The following LRRC39 variants were observed in gnomAD, a reference collection of about 807,000 sequenced individuals.
LRRC39 encodes the protein leucine rich repeat containing 39.
LRRC39 carries 35 observed loss-of-function variants against 39.7 expected under a neutral mutation model. That is an observed-to-expected ratio of 0.88 (90% CI 0.67 to 1.17). The LOEUF is 1.17. Among genes scored for constraint, LRRC39 ranks in the 50% most tolerant of loss-of-function variants. LRRC39 has a pLI of 0.00. For missense variants in LRRC39, 357 were observed against 385.8 expected (o/e 0.93, Z 0.62); for synonymous variants, 113 against 134.1 (o/e 0.84, Z 1.09).
At chr1:100,160,373 A>G in intron 4 of LRRC39, 93 bp downstream of exon 4, 2 of 827,570 alleles carry the variant, frequency 2.4e-6, no homozygotes, top group Middle Eastern at 2.5e-4. Context: ...GTTTCTAACT[A>G]TTCTAGTCTT....
chr1:100,152,657 G>T, intron 8 of LRRC39, 133 bp from the exon 9 acceptor site: 1 of 868,068 alleles, frequency 1.2e-6, no homozygotes, highest in Non-Finnish European at 1.7e-6. Context: ...ACGACTTGGT[G>T]AGATGTGATA....
At chr1:100,168,335 T>A in intron 3 of LRRC39, 69 bp downstream of exon 3, 1 of 1,120,384 alleles carries the variant, frequency 8.9e-7, no homozygotes, top group South Asian at 1.6e-5. Context: ...GCATTTAGAA[T>A]GCTCTTTTTT....
At chr1:100,156,086 C>T (rs1262283359) in intron 7 of LRRC39, 86 bp downstream of exon 7, 1 of 1,296,850 alleles carries the variant, frequency 7.7e-7, no homozygotes, top group Non-Finnish European at 1.1e-6. Context: ...ATTGATTATG[C>T]TTGAGATCCC....
chr1:100,158,693 C>T (rs544174252), intron 5 of LRRC39, among the ~76,000 whole-genome samples: 9 of 151,966 alleles, frequency 5.9e-5, no homozygotes, highest in African/African-American at 1.9e-4. Flanking sequence ...GCCTCGGCCT[C>T]CTAAAGTGCT....
At chr1:100,152,194 A>G (rs964553712) in intron 9 of LRRC39, among the ~76,000 whole-genome samples, 191 bp downstream of exon 9, 1 of 152,216 alleles carries the variant, frequency 6.6e-6, no homozygotes, top group Non-Finnish European at 1.5e-5. Flanking sequence ...AAGACTTTGA[A>G]TATCTTTAAA....
At chr1:100,152,563 A>C (rs765461791) in intron 8 of LRRC39, 39 bp from the exon 9 acceptor site, 1 of 1,597,924 alleles carries the variant, frequency 6.3e-7, no homozygotes, top group East Asian at 2.2e-5. Context: ...TATAGGTGTC[A>C]TGGAAGTGTA....
intron 1 of LRRC39, among the ~76,000 whole-genome samples, chr1:100,175,190 TTTTG>T (rs966055729): frequency 2.6e-5 from 4 of 151,986 alleles, no homozygotes; most frequent in Non-Finnish European, 4.4e-5. Flanking sequence ...TTTTGTGGTT[TTTTG>T]TTTGTTTGTT....
rs182223420 is a variant in LRRC39, at chr1:100,152,622, G to A, written c.813-98C>T. On this transcript the variant is annotated intron_variant, in intron 8 of 9. Coordinates refer to ENST00000370137, the MANE Select transcript of LRRC39 (RefSeq NM_144620.4). ...CAAATGATAATATACTAAATTACTC[G>A]TTTTTAACTGGTTTCAATAACTGAA... The A allele has an allele frequency of 6.1e-5, 75 of 1,225,932 alleles. No individual in the cohort carries two copies. In the East Asian group the frequency reaches 1.2e-3, roughly 19 times the overall value. The allele number at this position is 1,225,932 out of a possible 1,614,324, so 75.9% of individuals were successfully genotyped here.
Position 100,156,257 on chromosome 1 carries a change from G to A in LRRC39, c.574C>T (p.Pro192Ser). ...DLSMNDFTTI[P>S]LAVLNMPALE... ...GCAGGCATGTTCAACACAGCAAGAGGGATTGTAGTAAAATCGTTCATACTC... is the reference window on the plus strand; with the variant it reads ...GCAGGCATGTTCAACACAGCAAGAGAGATTGTAGTAAAATCGTTCATACTC... Residue 192 changes from proline to serine, a missense_variant, in exon 7 of 10, where the codon CCT becomes TCT. By Grantham distance (74) the Pro-to-Ser change is moderately conservative (BLOSUM62 -1). Transcript: ENST00000370137. The A allele has an allele frequency of 6.2e-7, 1 of 1,613,772 alleles. No homozygotes were observed. Among genetic ancestry groups the A allele is most frequent in the Non-Finnish European group, 8.5e-7 (1 of 1,179,784 alleles).
chr1:100,172,266 G>A (rs970433581), intron 2 of LRRC39, among the ~76,000 whole-genome samples: 4 of 152,174 alleles, frequency 2.6e-5, no homozygotes, highest in African/African-American at 9.7e-5. Flanking sequence ...ATTAGCATAT[G>A]CTTGATACCA....
chr1:100,149,321 CAG>C, intron 9 of LRRC39: 1 of 1,539,610 alleles, frequency 6.5e-7, no homozygotes, highest in Non-Finnish European at 8.7e-7. Flanking sequence ...GCAGACAATT[CAG>C]AGATATTCAC....
rs1378595702 is a variant in LRRC39 at position 100,153,812 on chromosome 1, G to A, written c.812+1239C>T. On this transcript the variant is annotated intron_variant, in intron 8 of 9. Transcript: ENST00000370137. The stretch of plus-strand genomic sequence containing the variant: ...TCTCTGTTTCCCAAGCTGGAGTACA[G>A]TGGCGCAATCTTGGCTCACTGCAAC... 2.0e-5 allele frequency among the ~76,000 whole-genome samples: 3 copies of A among 152,182 alleles called. No individual in the cohort carries two copies. In the East Asian group the frequency reaches 5.8e-4, roughly 29 times the overall value.
At chr1:100,163,546 C>T (rs192343879) in intron 3 of LRRC39, among the ~76,000 whole-genome samples, 20 of 149,718 alleles carry the variant, frequency 1.3e-4, no homozygotes, top group Non-Finnish European at 3.0e-4. Flanking sequence ...TAAATGATAT[C>T]TATGTATTTT....
In LRRC39 at chr1:100,152,367, T is replaced by C; in HGVS notation, c.952+18A>G. 1 of 1,611,216 alleles carries C rather than the reference T, an allele frequency of 6.2e-7. No individual in the cohort carries two copies. Among genetic ancestry groups the C allele is most frequent in the East Asian group, 2.2e-5 (1 of 44,830 alleles). On this transcript the variant is annotated intron_variant, in intron 9 of 9. Coordinates refer to ENST00000370137, the MANE Select transcript of LRRC39 (RefSeq NM_144620.4). ...CTACCAAAAAACATTTAATCTGTGT[T>C]ATATACAAATCTTATACCTGCTCTT...
In LRRC39 at chr1:100,155,189, T is replaced by C. The variant is rs1390823791; in HGVS notation, c.674A>G (p.His225Arg). Reference protein sequence around the residue: ...PDTIERMQNLHTLWLQRNEIT... With the variant: ...PDTIERMQNLRTLWLQRNEIT... ...TTCATTTCGTTGCAGCCATAACGTA[T>C]GTAGATTTTGCATTCTGAAAAATTA... is the stretch of plus-strand genomic sequence containing the variant. Residue 225 changes from histidine to arginine, a missense_variant, in exon 8 of 10, where the codon CAT (histidine) becomes CGT (arginine). By Grantham distance (29) the His-to-Arg change is conservative (BLOSUM62 0). Transcript: ENST00000370137. The C allele has an allele frequency of 2.5e-6, 4 of 1,587,146 alleles. No homozygotes were observed. The highest frequency in any genetic ancestry group is 3.4e-6 in the Non-Finnish European group (4 of 1,172,212).
chr1:100,174,301 A>T (rs552224406), intron 1 of LRRC39, among the ~76,000 whole-genome samples: 57 of 144,052 alleles, frequency 4.0e-4, no homozygotes, highest in South Asian at 2.5e-3. Flanking sequence ...CATTGTGGAA[A>T]TTTTTTTTTT....
At chr1:100,169,533 C>T (rs1659456990) in intron 2 of LRRC39, among the ~76,000 whole-genome samples, 1 of 152,012 alleles carries the variant, frequency 6.6e-6, no homozygotes. Context: ...TTTTTCATAA[C>T]AGCAAAATAT....
chr1:100,176,447 G>C (rs778255072), intron 1 of LRRC39, among the ~76,000 whole-genome samples: 9 of 152,002 alleles, frequency 5.9e-5, no homozygotes, highest in Non-Finnish European at 1.0e-4. Flanking sequence ...ACAAAAAAAA[G>C]GAATGGCAGT....
At chr1:100,176,523 A>G (rs1659966913) in intron 1 of LRRC39, among the ~76,000 whole-genome samples, 1 of 152,246 alleles carries the variant, frequency 6.6e-6, no homozygotes, top group Admixed American at 6.5e-5. Flanking sequence ...CATTGGAGAT[A>G]TGGTGAAAAG....
Sources: allele counts gnomAD v4.1 joint callset (sites outside exome capture counted in the v4.1 genomes callset), GRCh38; gene constraint gnomAD v4.1.1; transcripts MANE v1.5; gene names NCBI Gene and HGNC (gene_info 2026-07-23, HGNC 2026-07-21).